Variants in ZBTB20 observed in about 807,000 individuals in gnomAD.
The protein encoded by ZBTB20 is zinc finger and BTB domain containing 20.
In ZBTB20, 9 loss-of-function variants were observed where a neutral mutation model predicts 56.9. That is an observed-to-expected ratio of 0.16 (90% CI 0.10 to 0.28). The LOEUF is 0.28. ZBTB20 is among the 10% of genes least tolerant of loss of function. ZBTB20 has a pLI of 1.00. For synonymous variants in ZBTB20, 417 were observed against 420.7 expected, an observed-to-expected ratio of 0.99 and a Z score of 0.11; for missense variants, 655 against 1,003.0, an observed-to-expected ratio of 0.65 and a Z score of 4.69.
chr3:114,646,310 G>A (rs1399385926), intron 6 of ZBTB20, among the ~76,000 whole-genome samples: 1 of 151,934 alleles, frequency 6.6e-6, no homozygotes, highest in Non-Finnish European at 1.5e-5. Flanking sequence ...AAAAGTAGAA[G>A]CCCTAGTTTA....
intron 6 of ZBTB20, among the ~76,000 whole-genome samples, chr3:114,648,000 C>G (rs1394435364): frequency 6.6e-6 from 1 of 151,924 alleles, no homozygotes; most frequent in Non-Finnish European, 1.5e-5. Context: ...TAAAGTTAAC[C>G]TTTTAGACAT....
intron 4 of ZBTB20, among the ~76,000 whole-genome samples, chr3:114,821,346 G>GGA (rs2073233797): frequency 1.3e-5 from 2 of 152,080 alleles, no homozygotes; most frequent in Admixed American, 1.3e-4. Flanking sequence ...TTATGACACA[G>GGA]TCCTCAACAT....
chr3:114,456,663 T>C (rs2092041289), intron 7 of ZBTB20, among the ~76,000 whole-genome samples: 1 of 152,178 alleles, frequency 6.6e-6, no homozygotes, highest in African/African-American at 2.4e-5. Flanking sequence ...TGGTATCTTT[T>C]TCGGGACACA....
At chr3:114,714,850 A>G (rs2064350329) in intron 5 of ZBTB20, among the ~76,000 whole-genome samples, 1 of 152,244 alleles carries the variant, frequency 6.6e-6, no homozygotes. Context: ...ACACAGGAGA[A>G]TTAAGAAAGC....
chr3:115,059,158 C>T (rs13316546), intron 2 of ZBTB20, among the ~76,000 whole-genome samples: 56,286 of 151,948 alleles, frequency 0.37, 12,239 homozygotes, highest in East Asian at 0.66. Flanking sequence ...CATTTCTGAA[C>T]GTTTTTTCAT....
Position 114,336,138 on chromosome 3 carries a change from C to T in ZBTB20, c.*2867G>A, listed in dbSNP as rs2683783. Reference sequence around the variant, plus strand: ...AACAGTTTAAAATATTTTAAAGTGGCTTTTGGCCTTCTTTCATTTGTAACA... The same window carrying T: ...AACAGTTTAAAATATTTTAAAGTGGTTTTTGGCCTTCTTTCATTTGTAACA... On this transcript the variant is annotated 3_prime_UTR_variant, in exon 12 of 12. Coordinates refer to ENST00000675478, the MANE Select transcript of ZBTB20 (RefSeq NM_001348800.3). 6.6e-6 allele frequency: 1 copy of T among 152,050 alleles called. No homozygotes were observed. Among genetic ancestry groups the T allele is most frequent in the Non-Finnish European group, 1.5e-5 (1 of 67,996 alleles). 9.4% of individuals were successfully genotyped at this position (152,050 alleles called of 1,614,324 possible). A position where few individuals can be genotyped will look rare whatever the true frequency, so the allele number is the denominator to read the frequency against.
At chr3:114,675,954 A>G (rs2061601805) in intron 6 of ZBTB20, among the ~76,000 whole-genome samples, 1 of 17,912 alleles carries the variant, frequency 5.6e-5, no homozygotes, top group Non-Finnish European at 2.6e-3. Flanking sequence ...TTAACTCGCT[A>G]AATCTTCACA....
At chr3:114,627,481 C>T (rs754166366) in intron 6 of ZBTB20, among the ~76,000 whole-genome samples, 8 of 152,108 alleles carry the variant, frequency 5.3e-5, no homozygotes, top group African/African-American at 1.2e-4. Flanking sequence ...TACTTCTGAC[C>T]CTCAGTTAGG....
chr3:114,685,693 TCAAA>T (rs2062290854), intron 6 of ZBTB20, among the ~76,000 whole-genome samples: 1 of 152,182 alleles, frequency 6.6e-6, no homozygotes, highest in Non-Finnish European at 1.5e-5. Flanking sequence ...GGAAAATACC[TCAAA>T]CAGTGTTTCC....
Position 114,324,653 on chromosome 3 carries a change from AC to A in ZBTB20, c.*14351del, listed in dbSNP as rs1369511125. The A allele has an allele frequency of 6.6e-6, 1 of 152,246 alleles. No individual in the cohort carries two copies. The highest frequency in any genetic ancestry group is 2.4e-5 in the African/African-American group (1 of 41,478). The allele number at this position is 152,246 out of a possible 1,614,324, so 9.4% of individuals were successfully genotyped here. On this transcript the variant is annotated 3_prime_UTR_variant, in exon 12 of 12. Transcript: ENST00000675478. The stretch of plus-strand genomic sequence containing the variant: ...TTATTAAATACAAAAGTGAATTATT[AC>A]AGCAAAATTAAGAGTCTGCATTGTA...
intron 2 of ZBTB20, among the ~76,000 whole-genome samples, chr3:115,046,922 G>C (rs533676286): frequency 1.3e-5 from 2 of 152,212 alleles, no homozygotes; most frequent in East Asian, 3.9e-4. Context: ...CATATTCACA[G>C]AACAAATGCC....
At chr3:114,978,935 A>G (rs1175062694) in intron 2 of ZBTB20, among the ~76,000 whole-genome samples, 2 of 151,956 alleles carry the variant, frequency 1.3e-5, no homozygotes, top group African/African-American at 4.8e-5. Context: ...GACATTTGAA[A>G]ATGTCTATCT....
intron 4 of ZBTB20, among the ~76,000 whole-genome samples, chr3:114,843,114 A>G (rs140404597): frequency 0.025 from 3,755 of 152,230 alleles, 63 homozygotes; most frequent in Middle Eastern, 0.065. Context: ...TGCCATGATT[A>G]TAAGTTTCCT....
intron 6 of ZBTB20, among the ~76,000 whole-genome samples, chr3:114,668,458 G>A (rs532706634): frequency 2.8e-4 from 42 of 152,030 alleles, no homozygotes; most frequent in African/African-American, 1.0e-3. Flanking sequence ...GCAGAGCTTT[G>A]GTCCCTTTGT....
chr3:114,535,685 CA>C, intron 6 of ZBTB20, among the ~76,000 whole-genome samples: 1 of 152,066 alleles, frequency 6.6e-6, no homozygotes, highest in Non-Finnish European at 1.5e-5. Context: ...AGAGTCACAA[CA>C]AAAAAAGGAG....
At chr3:114,477,854 T>TTC (rs983570102) in intron 7 of ZBTB20, among the ~76,000 whole-genome samples, 1 of 151,344 alleles carries the variant, frequency 6.6e-6, no homozygotes, top group East Asian at 1.9e-4. Flanking sequence ...CTTTTTTCTT[T>TTC]TCTCTCTCTC....
intron 3 of ZBTB20, among the ~76,000 whole-genome samples, chr3:114,905,875 G>A (rs2075299235): frequency 6.6e-6 from 1 of 151,768 alleles, no homozygotes; most frequent in African/African-American, 2.4e-5. Context: ...GGAAGAAACT[G>A]TTACACAGAG....
intron 2 of ZBTB20, among the ~76,000 whole-genome samples, chr3:115,053,857 T>C (rs1216193079): frequency 6.6e-6 from 1 of 152,142 alleles, no homozygotes; most frequent in South Asian, 2.1e-4. Flanking sequence ...CAACAGAATG[T>C]GTCGGTATAA....
intron 5 of ZBTB20, among the ~76,000 whole-genome samples, chr3:114,726,719 T>C (rs1415489607): frequency 6.6e-6 from 1 of 151,350 alleles, no homozygotes; most frequent in Admixed American, 6.6e-5. Flanking sequence ...ATGATCATCC[T>C]GGCTAACATG....
Sources: gnomAD v4.1 joint callset for allele counts (sites outside exome capture counted in the v4.1 genomes callset) on GRCh38, gnomAD v4.1.1 for gene constraint, MANE v1.5 for transcripts, NCBI Gene and HGNC (gene_info 2026-07-23, HGNC 2026-07-21) for gene names.